DGKB: variants seen among roughly 807,000 people sequenced by gnomAD.
DGKB encodes the protein diacylglycerol kinase beta, also known as 90 kDa diacylglycerol kinase.
DGKB carries 67 observed loss-of-function variants against 114.3 expected under a neutral mutation model. The observed-to-expected ratio is 0.59, with a 90% CI of 0.48 to 0.72. The LOEUF (loss-of-function observed/expected upper bound fraction) is 0.72. Ranked by LOEUF, DGKB falls within the 30% of genes least tolerant of loss-of-function variation. DGKB has a pLI of 0.00. For missense variants in DGKB, 907 were observed against 975.2 expected (o/e 0.93, Z 0.93); for synonymous variants, 398 against 323.1 (o/e 1.23, Z -2.49).
chr7:14,769,070 TAAGAAAGAAAGAAAGAAAGA>T (rs5882458), intron 2 of DGKB, among the ~76,000 whole-genome samples: 42 of 84,310 alleles, frequency 5.0e-4, no homozygotes, highest in South Asian at 8.4e-4. Flanking sequence ...TTTTTAAAGA[TAAGAAAGAAAGAAAGAAAGA>T]AAGAAAGAAA....
At chr7:14,530,871 G>T (rs186583939) in intron 20 of DGKB, among the ~76,000 whole-genome samples, 1 of 151,252 alleles carries the variant, frequency 6.6e-6, no homozygotes, top group Non-Finnish European at 1.5e-5. Flanking sequence ...TTTATTTCCC[G>T]GTTCATTTTA....
At chr7:14,206,743 A>T (rs956566403) in intron 23 of DGKB, among the ~76,000 whole-genome samples, 1 of 152,068 alleles carries the variant, frequency 6.6e-6, no homozygotes, top group Non-Finnish European at 1.5e-5. Flanking sequence ...ATTGCTGCAA[A>T]GATCAAATCA....
At chr7:14,917,207 G>A (rs1046937767) in intron 1 of DGKB, among the ~76,000 whole-genome samples, 4 of 151,962 alleles carry the variant, frequency 2.6e-5, no homozygotes, top group Non-Finnish European at 5.9e-5. Context: ...CAACAATCAA[G>A]TCTTCCATCT....
intron 1 of DGKB, among the ~76,000 whole-genome samples, chr7:14,875,585 T>C (rs1159136262): frequency 6.6e-6 from 1 of 152,226 alleles, no homozygotes; most frequent in Non-Finnish European, 1.5e-5. Flanking sequence ...ACTGTTGATC[T>C]TCTTGCTCAG....
intron 1 of DGKB, among the ~76,000 whole-genome samples, chr7:14,948,561 G>T (rs1222291221): frequency 6.6e-6 from 1 of 151,836 alleles, no homozygotes; most frequent in South Asian, 2.1e-4. Flanking sequence ...ATGTGAAGAA[G>T]TTGAAGTTAA....
chr7:14,663,823 A>G lies in DGKB; in HGVS notation c.1134+9106T>C, dbSNP rs1042296245. Among the ~76,000 whole-genome samples, 7 of 149,736 alleles carry G rather than the reference A, an allele frequency of 4.7e-5. No individual in the cohort carries two copies. In the South Asian group the frequency reaches 1.5e-3, roughly 32 times the overall value. ...CCCTGGAACCAGTGTGCAAAAAAAA[A>G]CAAATTATCCTTTTCCTTTCTAAAT... On this transcript the variant is annotated intron_variant, in intron 13 of 25. Coordinates refer to ENST00000402815, the MANE Select transcript of DGKB (RefSeq NM_001350709.2).
chr7:14,495,060 G>A (rs1785104473), intron 20 of DGKB, among the ~76,000 whole-genome samples: 1 of 151,934 alleles, frequency 6.6e-6, no homozygotes, highest in Middle Eastern at 3.4e-3. Flanking sequence ...TTGCTTAAAT[G>A]AAAAGTACAA....
At chr7:14,413,122 A>C (rs1825155768) in intron 21 of DGKB, among the ~76,000 whole-genome samples, 1 of 152,136 alleles carries the variant, frequency 6.6e-6, no homozygotes, top group South Asian at 2.1e-4. Context: ...GGGCAAAACT[A>C]AAGTGATATA....
At chr7:14,730,973 A>G (rs548788908) in intron 5 of DGKB, among the ~76,000 whole-genome samples, 10 of 152,344 alleles carry the variant, frequency 6.6e-5, no homozygotes, top group African/African-American at 2.2e-4. Flanking sequence ...ATGGGAAGTC[A>G]GGGCCTGCTC....
Position 14,478,224 on chromosome 7 carries a change from T to A in DGKB, c.1772A>T (p.Asp591Val). The A allele has an allele frequency of 6.3e-7, 1 of 1,584,384 alleles. No individual in the cohort carries two copies. The highest frequency in any genetic ancestry group is 8.6e-7 in the Non-Finnish European group (1 of 1,162,296). The change falls in exon 21 of 26, where the codon GAT becomes GTT. Residue 591 changes from aspartate to valine, a missense_variant and splice_region_variant. Asp to Val is a radical substitution (Grantham distance 152, BLOSUM62 -3). Coordinates refer to ENST00000402815, the MANE Select transcript of DGKB (RefSeq NM_001350709.2). ...GTGGAATCTGTGTGCAATGGAGGCA[T>A]CCTAAGGGGAGAAAATAGAAAACAA... ...IINNYFSIGV[D>V]ASIAHRFHIM...
chr7:14,514,874 G>A lies in DGKB; in HGVS notation c.1771-36649C>T, dbSNP rs561042592. On this transcript the variant is annotated intron_variant, in intron 20 of 25. Coordinates refer to ENST00000402815, the MANE Select transcript of DGKB (RefSeq NM_001350709.2). ...TTTAAGATCAGCCTGAGCAACATAG[G>A]GAGACCACAACTCTAGGGAAAAAAA... Among the ~76,000 whole-genome samples, 4 of 151,976 alleles carry A rather than the reference G, an allele frequency of 2.6e-5. No individual in the cohort carries two copies. The South Asian group carries it at 8.3e-4, about 32-fold the overall frequency.
intron 17 of DGKB, among the ~76,000 whole-genome samples, chr7:14,605,171 G>A (rs1372729907): frequency 1.3e-5 from 2 of 151,886 alleles, no homozygotes; most frequent in Non-Finnish European, 2.9e-5. Flanking sequence ...CATCAGTAAT[G>A]GGATGGCTCA....
intron 20 of DGKB, among the ~76,000 whole-genome samples, chr7:14,485,462 C>A (rs190012498): frequency 2.0e-5 from 3 of 151,870 alleles, no homozygotes; most frequent in Admixed American, 6.6e-5. Flanking sequence ...ACAACCAGGG[C>A]ATTTTTCTAG....
chr7:14,218,114 A>AT (rs974058091), intron 23 of DGKB, among the ~76,000 whole-genome samples: 35 of 152,274 alleles, frequency 2.3e-4, no homozygotes, highest in African/African-American at 7.9e-4. Flanking sequence ...CTTCGTGTTC[A>AT]TAACACTTAA....
chr7:14,209,469 T>A (rs1253260325), intron 23 of DGKB: 1 of 480,660 alleles, frequency 2.1e-6, no homozygotes, highest in Admixed American at 2.3e-5. Flanking sequence ...TCTGGAGTAA[T>A]GATCTTGTCT....
At chr7:14,374,803 G>C (rs1259682004) in intron 21 of DGKB, among the ~76,000 whole-genome samples, 3 of 152,154 alleles carry the variant, frequency 2.0e-5, no homozygotes, top group South Asian at 4.1e-4. Flanking sequence ...ATGTTTAGCA[G>C]TATCCCTGGC....
intron 5 of DGKB, 53 bp from the exon 6 acceptor site, chr7:14,718,738 C>G (rs966737613): frequency 7.4e-7 from 1 of 1,349,904 alleles, no homozygotes; most frequent in African/African-American, 1.5e-5. Flanking sequence ...TGATCTCAAA[C>G]AGAAAACAAA....
At chr7:14,352,759 C>T (rs1175510774) in intron 21 of DGKB, among the ~76,000 whole-genome samples, 1 of 151,984 alleles carries the variant, frequency 6.6e-6, no homozygotes, top group Non-Finnish European at 1.5e-5. Flanking sequence ...CCTGTCTCTA[C>T]TAAAAATACA....
chr7:14,541,940 C>A (rs1186378243), intron 20 of DGKB, among the ~76,000 whole-genome samples: 1 of 152,118 alleles, frequency 6.6e-6, no homozygotes, highest in East Asian at 1.9e-4. Flanking sequence ...GTTATCCTAC[C>A]CAATTTCCTT....
Sources: allele counts gnomAD v4.1 joint callset (sites outside exome capture counted in the v4.1 genomes callset), GRCh38; gene constraint gnomAD v4.1.1; transcripts MANE v1.5; gene names NCBI Gene and HGNC (gene_info 2026-07-23, HGNC 2026-07-21).